Variants in EDARADD observed in about 807,000 individuals in gnomAD.
EDARADD encodes the protein ectodysplasin-A receptor-associated adapter protein.
Under a neutral mutation model 25.6 loss-of-function variants are expected in EDARADD, and 20 were observed. The ratio of observed to expected loss-of-function variants is 0.78; its 90% CI spans 0.55 to 1.14. The LOEUF (loss-of-function observed/expected upper bound fraction) is 1.14. EDARADD is among the 50% of genes most tolerant of loss of function. The pLI is 0.00. For synonymous variants in EDARADD, 86 were observed against 94.4 expected, an observed-to-expected ratio of 0.91 and a Z score of 0.52; for missense variants, 225 against 270.1, an observed-to-expected ratio of 0.83 and a Z score of 1.17.
chr1:236,411,540 T>G (rs923070514), intron 2 of EDARADD, among the ~76,000 whole-genome samples: 1 of 149,330 alleles, frequency 6.7e-6, no homozygotes, highest in Admixed American at 6.8e-5. Context: ...TTCTTCCTCT[T>G]CTTCTTCTTT....
At chr1:236,407,939 TTTTC>T (rs1667766854) in intron 1 of EDARADD, among the ~76,000 whole-genome samples, 1 of 152,186 alleles carries the variant, frequency 6.6e-6, no homozygotes, top group Admixed American at 6.5e-5. Flanking sequence ...AACTATGGTT[TTTTC>T]TTTATTAGTC....
At chr1:236,369,770 G>A (rs1667154825) in intron 3 of EDARADD, among the ~76,000 whole-genome samples, 1 of 152,284 alleles carries the variant, frequency 6.6e-6, no homozygotes, top group East Asian at 1.9e-4. Context: ...CCTGGGAGGT[G>A]GAGGTTCGGT....
chr1:236,398,186 G>A lies in EDARADD; in HGVS notation c.61+3681G>A, dbSNP rs527625836. 3.3e-5 allele frequency among the ~76,000 whole-genome samples: 5 copies of A among 152,150 alleles called. No individual in the cohort carries two copies. The highest frequency in any genetic ancestry group is 5.9e-5 in the Non-Finnish European group (4 of 68,004). On this transcript the variant is annotated intron_variant, in intron 1 of 5. Coordinates refer to ENST00000334232, the MANE Select transcript of EDARADD (RefSeq NM_145861.4). The surrounding 1 kb of genome is among the most constrained non-coding windows in gnomAD (Gnocchi z 4.1). ...GTCACCCAGGCTGGAGTGCAGTGGCGTGATCCCCACTCACTGCAACCTCCG... is the reference window on the plus strand; with the variant it reads ...GTCACCCAGGCTGGAGTGCAGTGGCATGATCCCCACTCACTGCAACCTCCG...
chr1:236,438,657 C>T (rs1253874613), intron 4 of EDARADD, among the ~76,000 whole-genome samples: 1 of 152,096 alleles, frequency 6.6e-6, no homozygotes, highest in Non-Finnish European at 1.5e-5. Flanking sequence ...GTAGTTGATT[C>T]TTTTATTATT....
intron 2 of EDARADD, 136 bp from the exon 3 acceptor site, chr1:236,414,124 G>A (rs1657570938): frequency 5.4e-6 from 4 of 745,398 alleles, no homozygotes; most frequent in African/African-American, 5.2e-5. Flanking sequence ...AATGGATAAG[G>A]CCAGTTGATA....
At chr1:236,380,412 G>A (rs1036651554) in intron 3 of EDARADD, among the ~76,000 whole-genome samples, 4 of 151,770 alleles carry the variant, frequency 2.6e-5, no homozygotes, top group African/African-American at 4.8e-5. Flanking sequence ...GAAGACTGAA[G>A]GGAAATTTTT....
chr1:236,482,029 C>T lies in EDARADD; in HGVS notation c.266-238C>T, dbSNP rs372450021. ...TCAGGAGGCTGAGGCAGGAGAATGG[C>T]GTGAACCCCTGGGAGGCGGAGCTTG... is the stretch of plus-strand genomic sequence containing the variant. On this transcript the variant is annotated intron_variant, in intron 5 of 5. Transcript: ENST00000334232. Among the ~76,000 whole-genome samples, 102 of 148,008 alleles carry T rather than the reference C, an allele frequency of 6.9e-4. 3 individuals are homozygous for T. In the South Asian group the frequency reaches 0.016, roughly 23 times the overall value.
intron 3 of EDARADD, among the ~76,000 whole-genome samples, chr1:236,383,958 G>T (rs1424310252): frequency 6.6e-6 from 1 of 152,022 alleles, no homozygotes; most frequent in Non-Finnish European, 1.5e-5. Context: ...ATCTTTGATT[G>T]TGCCACTGCA....
chr1:236,376,146 T>C (rs1667221887), intron 3 of EDARADD, among the ~76,000 whole-genome samples: 2 of 151,892 alleles, frequency 1.3e-5, no homozygotes, highest in African/African-American at 4.8e-5. Context: ...TGTTGGTCAG[T>C]CTGGTTTTGA....
chr1:236,464,629 T>G (rs529293026), intron 4 of EDARADD, among the ~76,000 whole-genome samples: 2 of 151,882 alleles, frequency 1.3e-5, no homozygotes, highest in East Asian at 3.9e-4. Flanking sequence ...GCCGGGGTTT[T>G]GCCATGTTGG....
chr1:236,393,375 T>TTTTCTTTC (rs201323282), upstream of EDARADD, among the ~76,000 whole-genome samples: 19 of 130,818 alleles, frequency 1.5e-4, no homozygotes, highest in African/African-American at 4.5e-4. Flanking sequence ...GTCCATTTTC[T>TTTTCTTTC]TTTCTTTCTT....
rs577807375 is a variant in EDARADD at position 236,456,120 on chromosome 1, C to T, written c.220-12111C>T. On this transcript the variant is annotated intron_variant, in intron 4 of 5. Coordinates refer to ENST00000334232, the MANE Select transcript of EDARADD (RefSeq NM_145861.4). The stretch of plus-strand genomic sequence containing the variant: ...TCCTTTTTTAAGAGTCTCACTCTGT[C>T]GCCCAGGCTGGCGTGCAGTGGCGCG... 1.8e-4 allele frequency among the ~76,000 whole-genome samples: 27 copies of T among 152,278 alleles called. 1 individual carries two copies. In the South Asian group the frequency reaches 1.9e-3, roughly 11 times the overall value.
At chr1:236,438,410 G>A (rs532528038) in intron 4 of EDARADD, among the ~76,000 whole-genome samples, 1 of 152,172 alleles carries the variant, frequency 6.6e-6, no homozygotes, top group East Asian at 1.9e-4. Context: ...CAGACTCTGG[G>A]ACAGAAGTGG....
intron 4 of EDARADD, among the ~76,000 whole-genome samples, chr1:236,436,130 C>G (rs1041409081): frequency 5.3e-5 from 8 of 151,458 alleles, no homozygotes; most frequent in African/African-American, 1.9e-4. Flanking sequence ...AAAGTGAGAC[C>G]CCATCTCTAT....
At chr1:236,390,676 C>T (rs943883079), upstream of EDARADD, among the ~76,000 whole-genome samples, 8 of 152,176 alleles carry the variant, frequency 5.3e-5, no homozygotes, top group Admixed American at 1.3e-4. Flanking sequence ...TAATAAATTA[C>T]AGTGTATCAA....
At chr1:236,458,153 C>T (rs1364054685) in intron 4 of EDARADD, among the ~76,000 whole-genome samples, 2 of 152,208 alleles carry the variant, frequency 1.3e-5, no homozygotes, top group African/African-American at 4.8e-5. Context: ...CCCATTCACA[C>T]TCCTGTCTAG....
At chr1:236,428,554 G>C (rs529404277) in intron 4 of EDARADD, among the ~76,000 whole-genome samples, 1 of 142,478 alleles carries the variant, frequency 7.0e-6, no homozygotes, top group South Asian at 2.3e-4. Flanking sequence ...CGGCCAGTCA[G>C]AGACACTCCT....
At position 236,431,927 on chromosome 1, in the gene EDARADD, C is replaced by CAA. The variant is rs1170622280; in HGVS notation, c.219+4501_219+4502dup. ...TGGGCGACAGAGCGAGACTCCGTCT[C>CAA]AAAAAAAAAAAAAAAAAAAAAAAAA... On this transcript the variant is annotated intron_variant, in intron 4 of 5. Coordinates refer to ENST00000334232, the MANE Select transcript of EDARADD (RefSeq NM_145861.4). 5.0e-3 allele frequency among the ~76,000 whole-genome samples: 88 copies of CAA among 17,694 alleles called. 1 individual carries two copies. Among genetic ancestry groups the CAA allele is most frequent in the Middle Eastern group, 0.029 (1 of 34 alleles). 11.6% of individuals were successfully genotyped at this position (17,694 alleles called of 152,430 possible). A position where few individuals can be genotyped will look rare whatever the true frequency, so the allele number is the denominator to read the frequency against.
intron 1 of EDARADD, among the ~76,000 whole-genome samples, chr1:236,401,116 G>T (rs1558110787): frequency 6.6e-6 from 1 of 151,934 alleles, no homozygotes; most frequent in African/African-American, 2.4e-5. Context: ...AACCCAGGAG[G>T]CAGAGGTTGC....
Sources: allele counts gnomAD v4.1 joint callset (sites outside exome capture counted in the v4.1 genomes callset), GRCh38; gene constraint gnomAD v4.1.1; non-coding constraint Gnocchi (gnomAD v3.1); transcripts MANE v1.5; gene names NCBI Gene and HGNC (gene_info 2026-07-23, HGNC 2026-07-21).